Variants in TMIGD3 observed in about 807,000 individuals in gnomAD.
TMIGD3 encodes AD026 protein (AD026).
Under a neutral mutation model 28.1 loss-of-function variants are expected in TMIGD3, and 21 were observed. The observed-to-expected ratio is 0.75, with a 90% CI of 0.53 to 1.08. TMIGD3 has a LOEUF of 1.08. Ranked by LOEUF, TMIGD3 falls within the 50% of genes least tolerant of loss-of-function variation. TMIGD3 has a pLI of 0.00. For synonymous variants in TMIGD3, 151 were observed against 162.1 expected, an observed-to-expected ratio of 0.93 and a Z score of 0.52; for missense variants, 416 against 435.6, an observed-to-expected ratio of 0.96 and a Z score of 0.40.
At chr1:111,524,765 G>T (rs1359551974) in intron 1 of TMIGD3, among the ~76,000 whole-genome samples, 1 of 152,008 alleles carries the variant, frequency 6.6e-6, no homozygotes, top group Non-Finnish European at 1.5e-5. Context: ...GATTACAGGT[G>T]CATGCCACCA....
At chr1:111,553,083 G>T (rs769295731) in intron 1 of TMIGD3, among the ~76,000 whole-genome samples, 6 of 152,184 alleles carry the variant, frequency 3.9e-5, no homozygotes, top group Non-Finnish European at 7.3e-5. Flanking sequence ...GATGACTTCT[G>T]CTGGGAAACA....
chr1:111,502,987 C>T lies in TMIGD3; in HGVS notation c.350+18G>A. ...TCCCAGCTGCCTCAATTGCTGCCCA[C>T]CCCACGCCGCAGGCTACCTGACGGT... On this transcript the variant is annotated intron_variant, in intron 1 of 5. Transcript: ENST00000369716. 1 of 1,609,606 alleles carries T rather than the reference C, an allele frequency of 6.2e-7. No individual in the cohort carries two copies. Among genetic ancestry groups the T allele is most frequent in the Non-Finnish European group, 8.5e-7 (1 of 1,176,884 alleles).
At chr1:111,531,222 A>G (rs1376590162) in intron 1 of TMIGD3, among the ~76,000 whole-genome samples, 1 of 152,056 alleles carries the variant, frequency 6.6e-6, no homozygotes, top group Non-Finnish European at 1.5e-5. Flanking sequence ...AGGTTGCAGT[A>G]AGCCAAGGTC....
At chr1:111,546,958 G>A (rs944740670) in intron 1 of TMIGD3, among the ~76,000 whole-genome samples, 1 of 152,042 alleles carries the variant, frequency 6.6e-6, no homozygotes, top group Non-Finnish European at 1.5e-5. Flanking sequence ...TTTTGTTTTG[G>A]TTTTTAATAA....
chr1:111,507,613 G>T (rs1284684802), upstream of TMIGD3, among the ~76,000 whole-genome samples: 1 of 152,200 alleles, frequency 6.6e-6, no homozygotes, highest in Non-Finnish European at 1.5e-5. Flanking sequence ...CAGGGAAAAG[G>T]CCTCTGGAGC....
intron 1 of TMIGD3, among the ~76,000 whole-genome samples, chr1:111,526,081 AT>A (rs902720095): frequency 2.6e-5 from 4 of 151,780 alleles, no homozygotes; most frequent in African/African-American, 9.7e-5. Context: ...TGAATTAAGC[AT>A]TTTGAATACT....
intron 1 of TMIGD3, among the ~76,000 whole-genome samples, chr1:111,497,779 T>C (rs1483146937): frequency 6.6e-6 from 1 of 152,174 alleles, no homozygotes; most frequent in African/African-American, 2.4e-5. Flanking sequence ...TGTTTTGTCT[T>C]GAGGGAAGTG....
At chr1:111,531,488 A>G (rs1000189873) in intron 1 of TMIGD3, among the ~76,000 whole-genome samples, 5 of 152,084 alleles carry the variant, frequency 3.3e-5, no homozygotes, top group African/African-American at 1.2e-4. Flanking sequence ...AACATGCTCT[A>G]TCTTTGCCTT....
chr1:111,557,193 C>T (rs1350335869), intron 1 of TMIGD3, among the ~76,000 whole-genome samples: 1 of 152,140 alleles, frequency 6.6e-6, no homozygotes, highest in Non-Finnish European at 1.5e-5. Context: ...GATGGAAAAG[C>T]ATCATTTCTT....
chr1:111,500,697 G>T, intron 1 of TMIGD3: 4 of 808,662 alleles, frequency 4.9e-6, no homozygotes, highest in Non-Finnish European at 7.9e-6. Context: ...AGAGAGGGCA[G>T]CATTGATATC....
intron 1 of TMIGD3, among the ~76,000 whole-genome samples, chr1:111,523,972 T>C (rs1656166844): frequency 6.6e-6 from 1 of 151,298 alleles, no homozygotes; most frequent in Non-Finnish European, 1.5e-5. Flanking sequence ...TTATTTTTTC[T>C]CTTCTGCTTG....
chr1:111,555,595 G>T (rs953238018), intron 1 of TMIGD3, among the ~76,000 whole-genome samples: 3 of 151,934 alleles, frequency 2.0e-5, no homozygotes, highest in Non-Finnish European at 1.5e-5. Flanking sequence ...GAAACATGGA[G>T]AATGAAGTGA....
At chr1:111,560,108 C>T (rs900897330) in intron 1 of TMIGD3, among the ~76,000 whole-genome samples, 1 of 152,186 alleles carries the variant, frequency 6.6e-6, no homozygotes, top group South Asian at 2.1e-4. Context: ...ATTGGAAGCT[C>T]AGAGATTACA....
chr1:111,501,921 T>G (rs941739916), intron 1 of TMIGD3, among the ~76,000 whole-genome samples: 1 of 151,028 alleles, frequency 6.6e-6, no homozygotes, highest in African/African-American at 2.4e-5. Flanking sequence ...GTTCGTTCTA[T>G]TCATATGGTC....
chr1:111,486,619 G>A lies in TMIGD3; in HGVS notation c.839C>T (p.Ala280Val), dbSNP rs143542184. The A allele has an allele frequency of 1.8e-3, 2,985 of 1,613,854 alleles. 7 individuals are homozygous for A. The highest frequency in any genetic ancestry group is 2.3e-3 in the Non-Finnish European group (2,664 of 1,179,964). Reference protein sequence around the residue: ...LSGNKTRSCKAPKVVRKADRS... With the variant: ...LSGNKTRSCKVPKVVRKADRS... ...GTCAGCCTTGCGGACAACTTTGGGA[G>A]CCTTGCAGCTTCTGGTTTTGTTGCC... The change falls in exon 4 of 6, where the codon GCT (alanine) becomes GTT (valine). Residue 280 changes from alanine to valine, a missense_variant. Transcript: ENST00000369716.
At chr1:111,486,172 AAAG>A (rs1231412057) in intron 4 of TMIGD3, among the ~76,000 whole-genome samples, 1 of 152,286 alleles carries the variant, frequency 6.6e-6, no homozygotes, top group Admixed American at 6.5e-5. Context: ...TTAGGGGAAA[AAAG>A]AGAAATATAC....
chr1:111,544,125 CTAACT>C (rs1656951129), intron 1 of TMIGD3, among the ~76,000 whole-genome samples: 2 of 152,274 alleles, frequency 1.3e-5, no homozygotes, highest in Admixed American at 1.3e-4. Flanking sequence ...CCTTTTCAAA[CTAACT>C]TATCTCTGTT....
chr1:111,516,179 G>T (rs1454888953), intron 1 of TMIGD3, among the ~76,000 whole-genome samples: 2 of 152,376 alleles, frequency 1.3e-5, no homozygotes, highest in Admixed American at 6.5e-5. Context: ...GCAGCACCTT[G>T]TGCTAAAGTT....
intron 1 of TMIGD3, among the ~76,000 whole-genome samples, chr1:111,494,820 T>G (rs867586601): frequency 6.6e-6 from 1 of 152,172 alleles, no homozygotes; most frequent in African/African-American, 2.4e-5. Flanking sequence ...TGGAATAGAA[T>G]GGAGAACCCA....
Sources: allele counts gnomAD v4.1 joint callset (sites outside exome capture counted in the v4.1 genomes callset), GRCh38; gene constraint gnomAD v4.1.1; transcripts MANE v1.5; gene names NCBI Gene and HGNC (gene_info 2026-07-23, HGNC 2026-07-21).